The following PLPPR1 variants were observed in gnomAD, a reference collection of about 807,000 sequenced individuals.
The protein encoded by PLPPR1 is phospholipid phosphatase-related protein type 1.
A neutral mutation model predicts 33.1 loss-of-function variants in PLPPR1; 10 were observed. The ratio of observed to expected loss-of-function variants is 0.30; its 90% CI spans 0.19 to 0.51. The LOEUF (loss-of-function observed/expected upper bound fraction) is 0.51, where lower values mean the gene tolerates loss of function less well. PLPPR1 is among the 20% of genes least tolerant of loss of function. The probability of loss-of-function intolerance (pLI) is 0.97; values close to 1 mark genes in which losing one functional copy is unlikely to be tolerated. For synonymous variants in PLPPR1, 151 were observed against 151.0 expected, an observed-to-expected ratio of 1.00 and a Z score of 0.00; for missense variants, 304 against 408.1, an observed-to-expected ratio of 0.74 and a Z score of 2.20.
chr9:101,251,572 T>C (rs909117862), intron 2 of PLPPR1, among the ~76,000 whole-genome samples: 1 of 151,856 alleles, frequency 6.6e-6, no homozygotes, highest in Non-Finnish European at 1.5e-5. Flanking sequence ...CTTCGGACTA[T>C]ATAAAGAAAT....
intron 1 of PLPPR1, among the ~76,000 whole-genome samples, chr9:101,124,531 C>T (rs1465764437): frequency 6.6e-6 from 1 of 152,212 alleles, no homozygotes; most frequent in Non-Finnish European, 1.5e-5. Flanking sequence ...AGCATACCCT[C>T]ACCTCCATAT....
At chr9:101,281,721 G>C (rs1443555183) in intron 3 of PLPPR1, among the ~76,000 whole-genome samples, 1 of 151,994 alleles carries the variant, frequency 6.6e-6, no homozygotes, top group Admixed American at 6.6e-5. Flanking sequence ...AAGATTCAAA[G>C]ATTCAAAATC....
intron 4 of PLPPR1, among the ~76,000 whole-genome samples, chr9:101,302,084 C>T (rs563257361): frequency 1.3e-5 from 2 of 152,314 alleles, no homozygotes; most frequent in East Asian, 3.9e-4. Context: ...ACCCAAGCTC[C>T]TCTACTCACT....
At chr9:101,077,748 TA>T (rs1700777351) in intron 1 of PLPPR1, among the ~76,000 whole-genome samples, 1 of 151,934 alleles carries the variant, frequency 6.6e-6, no homozygotes, top group Non-Finnish European at 1.5e-5. Context: ...GAGCTGCATC[TA>T]GGAACCCCCT....
At chr9:101,079,137 T>G (rs891821157) in intron 1 of PLPPR1, among the ~76,000 whole-genome samples, 1 of 152,224 alleles carries the variant, frequency 6.6e-6, no homozygotes, top group African/African-American at 2.4e-5. Flanking sequence ...AAATTTCCTC[T>G]CAGCAGTTTC....
At chr9:101,269,333 A>G (rs1588104320) in intron 2 of PLPPR1, among the ~76,000 whole-genome samples, 1 of 152,214 alleles carries the variant, frequency 6.6e-6, no homozygotes, top group East Asian at 1.9e-4. Flanking sequence ...ATACCTGCCA[A>G]TAACTTAGGG....
intron 1 of PLPPR1, among the ~76,000 whole-genome samples, chr9:101,144,892 C>T (rs778723552): frequency 2.6e-5 from 4 of 152,182 alleles, no homozygotes; most frequent in Non-Finnish European, 2.9e-5. Flanking sequence ...AACCACACTA[C>T]TCACAGCACT....
intron 7 of PLPPR1, among the ~76,000 whole-genome samples, chr9:101,323,212 A>T (rs1273394747): frequency 6.6e-6 from 1 of 152,148 alleles, no homozygotes; most frequent in Non-Finnish European, 1.5e-5. Flanking sequence ...TTAGGTGAAG[A>T]TGCTAGGCAC....
intron 2 of PLPPR1, among the ~76,000 whole-genome samples, chr9:101,262,203 A>G (rs1452248044): frequency 6.6e-6 from 1 of 152,190 alleles, no homozygotes; most frequent in Non-Finnish European, 1.5e-5. Context: ...GTCTCATTTA[A>G]TCTTCATGAT....
intron 1 of PLPPR1, among the ~76,000 whole-genome samples, chr9:101,096,752 C>A (rs1360599531): frequency 6.6e-6 from 1 of 152,126 alleles, no homozygotes; most frequent in Non-Finnish European, 1.5e-5. Flanking sequence ...AGCTCTTTGC[C>A]ATCTAAGTGA....
At chr9:101,081,340 G>A (rs1830616424) in intron 1 of PLPPR1, among the ~76,000 whole-genome samples, 1 of 151,790 alleles carries the variant, frequency 6.6e-6, no homozygotes, top group South Asian at 2.1e-4. Flanking sequence ...TGTCTCAAAC[G>A]CCTGCCACCA....
At chr9:101,058,379 G>A (rs1830304172) in intron 1 of PLPPR1, among the ~76,000 whole-genome samples, 2 of 151,420 alleles carry the variant, frequency 1.3e-5, no homozygotes, top group South Asian at 4.2e-4. Flanking sequence ...TGGGGGTGGG[G>A]TTGTTTGCAG....
chr9:101,188,958 C>G (rs1826249658), intron 2 of PLPPR1, among the ~76,000 whole-genome samples: 1 of 151,868 alleles, frequency 6.6e-6, no homozygotes, highest in Non-Finnish European at 1.5e-5. Flanking sequence ...CTTACTATTC[C>G]TCTCCTACTG....
intron 3 of PLPPR1, among the ~76,000 whole-genome samples, chr9:101,271,169 A>G (rs1343025341): frequency 6.6e-6 from 1 of 152,198 alleles, no homozygotes; most frequent in African/African-American, 2.4e-5. Context: ...ATGAGCCACA[A>G]CATGATGTAT....
At position 101,325,030 on chromosome 9, in the gene PLPPR1, C is replaced by T. The variant is rs140571792; in HGVS notation, c.*973C>T. 221 of 152,340 alleles carry T rather than the reference C, an allele frequency of 1.5e-3. No individual in the cohort carries two copies. Among genetic ancestry groups the T allele is most frequent in the African/African-American group, 5.1e-3 (210 of 41,486 alleles). The allele number at this position is 152,340 out of a possible 1,614,324, so 9.4% of individuals were successfully genotyped here. A position where few individuals can be genotyped will look rare whatever the true frequency, so the allele number is the denominator to read the frequency against. The stretch of plus-strand genomic sequence containing the variant: ...CTTTGATTGAAGGAGCTCTTTTGTC[C>T]GTACCTATCAGAATGTTTTCTTGAC... On this transcript the variant is annotated 3_prime_UTR_variant, in exon 8 of 8. Coordinates refer to ENST00000374874, the MANE Select transcript of PLPPR1 (RefSeq NM_207299.2).
At chr9:101,202,257 G>A (rs1234661461) in intron 2 of PLPPR1, among the ~76,000 whole-genome samples, 1 of 152,168 alleles carries the variant, frequency 6.6e-6, no homozygotes, top group Non-Finnish European at 1.5e-5. Context: ...GCGTATTTGA[G>A]AATGTCATGC....
intron 3 of PLPPR1, among the ~76,000 whole-genome samples, chr9:101,275,955 T>C (rs1016360861): frequency 1.3e-5 from 2 of 152,138 alleles, no homozygotes; most frequent in African/African-American, 2.4e-5. Context: ...ATTGTGAATC[T>C]TCATTTGGGG....
intron 1 of PLPPR1, among the ~76,000 whole-genome samples, chr9:101,050,316 G>C (rs1198855580): frequency 6.6e-6 from 1 of 152,040 alleles, no homozygotes; most frequent in African/African-American, 2.4e-5. Flanking sequence ...ATGTACATGT[G>C]TTGAGAGAAT....
intron 2 of PLPPR1, among the ~76,000 whole-genome samples, chr9:101,259,014 G>A (rs1316754312): frequency 1.3e-5 from 2 of 152,056 alleles, no homozygotes; most frequent in African/African-American, 4.8e-5. Context: ...AAATTTTGTA[G>A]CCCAATTTAG....
Sources: allele counts gnomAD v4.1 joint callset (sites outside exome capture counted in the v4.1 genomes callset), GRCh38; gene constraint gnomAD v4.1.1; transcripts MANE v1.5; gene names NCBI Gene and HGNC (gene_info 2026-07-23, HGNC 2026-07-21).